The following EXOC4 variants were observed in gnomAD, a reference collection of about 807,000 sequenced individuals.
The protein encoded by EXOC4 is exocyst complex component 4, also known as SEC8-like 1.
Under a neutral mutation model 107.2 loss-of-function variants are expected in EXOC4, and 71 were observed. The ratio of observed to expected loss-of-function variants is 0.66; its 90% confidence interval spans 0.55 to 0.81. The LOEUF (loss-of-function observed/expected upper bound fraction) is 0.81, where lower values mean the gene tolerates loss of function less well. EXOC4 is among the 30% of genes least tolerant of loss of function. The pLI is 0.00. For synonymous variants in EXOC4, 456 were observed against 441.2 expected (o/e 1.03, Z -0.42); for missense variants, 1,108 against 1,189.6 (o/e 0.93, Z 1.01).
At chr7:134,050,744 G>A (rs1228213267) in intron 17 of EXOC4, among the ~76,000 whole-genome samples, 1 of 152,154 alleles carries the variant, frequency 6.6e-6, no homozygotes, top group African/African-American at 2.4e-5. Context: ...GTGGAATACA[G>A]GTCAAGTCTT....
intron 1 of EXOC4, among the ~76,000 whole-genome samples, chr7:133,262,297 T>G (rs1167713410): frequency 1.3e-5 from 2 of 151,728 alleles, no homozygotes; most frequent in Admixed American, 1.3e-4. Flanking sequence ...GCTCAGGAGT[T>G]CAAGTCCCAT....
chr7:133,747,273 T>C (rs1316587166), intron 10 of EXOC4, among the ~76,000 whole-genome samples: 2 of 152,200 alleles, frequency 1.3e-5, no homozygotes, highest in African/African-American at 4.8e-5. Flanking sequence ...ATCTGTTGTT[T>C]AATATAATAT....
At chr7:133,694,466 C>T (rs770901462) in intron 10 of EXOC4, among the ~76,000 whole-genome samples, 4 of 152,172 alleles carry the variant, frequency 2.6e-5, no homozygotes, top group African/African-American at 4.8e-5. Flanking sequence ...TTCCATTCCT[C>T]TCCCTTGCAA....
At chr7:133,344,993 T>C (rs796944105) in intron 5 of EXOC4, among the ~76,000 whole-genome samples, 7 of 152,314 alleles carry the variant, frequency 4.6e-5, no homozygotes, top group African/African-American at 1.7e-4. Context: ...CCCGAGGACA[T>C]GGTTTTTGTG....
intron 10 of EXOC4, among the ~76,000 whole-genome samples, chr7:133,690,445 CCTT>C (rs1794395684): frequency 1.3e-5 from 2 of 152,116 alleles, no homozygotes; most frequent in South Asian, 2.1e-4. Context: ...GTTACCATTA[CCTT>C]CTTCTTTCTC....
intron 17 of EXOC4, among the ~76,000 whole-genome samples, chr7:134,026,677 T>G (rs1383737626): frequency 2.6e-5 from 4 of 152,244 alleles, no homozygotes; most frequent in Non-Finnish European, 4.4e-5. Context: ...AATGCTGTTA[T>G]GGAAAGATAT....
intron 5 of EXOC4, among the ~76,000 whole-genome samples, chr7:133,344,342 T>G (rs1452598729): frequency 6.6e-6 from 1 of 152,224 alleles, no homozygotes; most frequent in Non-Finnish European, 1.5e-5. Flanking sequence ...TCTGTTGCTG[T>G]GTGTTGGATA....
At chr7:133,877,706 C>T (rs1007594952) in intron 11 of EXOC4, among the ~76,000 whole-genome samples, 3 of 110,664 alleles carry the variant, frequency 2.7e-5, no homozygotes, top group African/African-American at 3.4e-5. Context: ...AGTACTTGGC[C>T]GAAGGTTCTA....
chr7:133,779,327 A>C (rs1473134711), intron 10 of EXOC4, among the ~76,000 whole-genome samples: 1 of 152,116 alleles, frequency 6.6e-6, no homozygotes, highest in Non-Finnish European at 1.5e-5. Flanking sequence ...TGGCTTTCTC[A>C]ATACTACTAA....
At chr7:133,825,521 G>A (rs1468019212) in intron 11 of EXOC4, among the ~76,000 whole-genome samples, 1 of 152,206 alleles carries the variant, frequency 6.6e-6, no homozygotes, top group Non-Finnish European at 1.5e-5. Flanking sequence ...GCTACTTACA[G>A]TATAATAATT....
chr7:134,100,063 G>T, the EXOC4 span, among the ~76,000 whole-genome samples: 1 of 151,906 alleles, frequency 6.6e-6, no homozygotes, highest in East Asian at 1.9e-4. Context: ...ATTTCTAAAG[G>T]CTACCATGTC....
chr7:134,003,763 C>T lies in EXOC4; in HGVS notation c.2349-1149C>T, dbSNP rs1425445532. Among the ~76,000 whole-genome samples the T allele has an allele frequency of 4.0e-5, 6 of 151,216 alleles. No homozygotes were observed. The South Asian group carries it at 6.3e-4, about 16-fold the overall frequency. ...TTGGGATTTTTTTTTTTTTCTGCTA[C>T]GGTGGGGGATTCAAAACAAATACCT... On this transcript the variant is annotated intron_variant, in intron 15 of 17. Coordinates refer to ENST00000253861, the MANE Select transcript of EXOC4 (RefSeq NM_021807.4).
At chr7:133,526,146 C>G (rs1208727507) in intron 9 of EXOC4, among the ~76,000 whole-genome samples, 1 of 152,120 alleles carries the variant, frequency 6.6e-6, no homozygotes, top group Non-Finnish European at 1.5e-5. Context: ...TTCTTTTTCC[C>G]AGATAATTGG....
chr7:133,356,597 T>A, intron 6 of EXOC4, 24 bp downstream of exon 6: 4 of 1,612,292 alleles, frequency 2.5e-6, no homozygotes, highest in Non-Finnish European at 3.4e-6. Flanking sequence ...TATTTTGTAT[T>A]TTTGACAACT....
chr7:133,726,588 G>A (rs1027297992), intron 10 of EXOC4, among the ~76,000 whole-genome samples: 2 of 152,126 alleles, frequency 1.3e-5, no homozygotes, highest in East Asian at 3.8e-4. Flanking sequence ...CTGCAATTTT[G>A]CATTTCTTTA....
intron 9 of EXOC4, among the ~76,000 whole-genome samples, chr7:133,537,255 A>T (rs1800288026): frequency 6.7e-6 from 1 of 148,986 alleles, no homozygotes; most frequent in Admixed American, 6.7e-5. Context: ...GGTTCAAGTG[A>T]TTCTTGTGCC....
At chr7:133,343,614 T>A (rs1795717304) in intron 5 of EXOC4, among the ~76,000 whole-genome samples, 1 of 151,090 alleles carries the variant, frequency 6.6e-6, no homozygotes, top group Admixed American at 6.6e-5. Flanking sequence ...TTTTTCTGAG[T>A]TTCATCACTT....
At chr7:133,265,525 G>A (rs1793708943) in intron 1 of EXOC4, among the ~76,000 whole-genome samples, 1 of 152,058 alleles carries the variant, frequency 6.6e-6, no homozygotes, top group South Asian at 2.1e-4. Context: ...TATCCACTTA[G>A]GGGCCCATTT....
chr7:133,445,554 CAAAAT>C (rs1798199132), intron 7 of EXOC4, among the ~76,000 whole-genome samples: 1 of 152,078 alleles, frequency 6.6e-6, no homozygotes, highest in African/African-American at 2.4e-5. Context: ...TGGGAAGTTA[CAAAAT>C]AAAATAAAAC....
Sources: gnomAD v4.1 joint callset for allele counts (sites outside exome capture counted in the v4.1 genomes callset) on GRCh38, gnomAD v4.1.1 for gene constraint, MANE v1.5 for transcripts, NCBI Gene and HGNC (gene_info 2026-07-23, HGNC 2026-07-21) for gene names.